TRAPPC11: variants seen among roughly 807,000 people sequenced by gnomAD.
TRAPPC11 encodes the protein foie gras homolog.
In TRAPPC11, 104 loss-of-function variants were observed where a neutral mutation model predicts 151.2. That is an observed-to-expected ratio of 0.69 (90% CI 0.59 to 0.81). The LOEUF (loss-of-function observed/expected upper bound fraction) is 0.81. Ranked by LOEUF, TRAPPC11 falls within the 30% of genes least tolerant of loss-of-function variation. TRAPPC11 has a pLI of 0.00. For missense variants in TRAPPC11, 1,230 were observed against 1,349.6 expected (o/e 0.91, Z 1.39); for synonymous variants, 456 against 472.3 (o/e 0.97, Z 0.45).
At chr4:183,697,986 T>A in intron 25 of TRAPPC11, 151 bp downstream of exon 25, 1 of 640,026 alleles carries the variant, frequency 1.6e-6, no homozygotes, top group Non-Finnish European at 2.6e-6. Flanking sequence ...CATATGGAAT[T>A]AAGGTGGAAT....
intron 29 of TRAPPC11, among the ~76,000 whole-genome samples, chr4:183,712,009 C>G (rs2111112814): frequency 6.6e-6 from 1 of 152,276 alleles, no homozygotes. Context: ...TTCTTTCAAT[C>G]AGTGATCTTA....
intron 23 of TRAPPC11, among the ~76,000 whole-genome samples, chr4:183,696,934 G>A (rs1423706131): frequency 6.6e-6 from 1 of 152,140 alleles, no homozygotes; most frequent in Non-Finnish European, 1.5e-5. Flanking sequence ...ACAAAAGGAA[G>A]ACCCTAGCTT....
chr4:183,690,175 T>C (rs1226328595), intron 18 of TRAPPC11, among the ~76,000 whole-genome samples: 1 of 151,740 alleles, frequency 6.6e-6, no homozygotes, highest in Non-Finnish European at 1.5e-5. Context: ...TAGTGGGCGA[T>C]GGAGTGAGAC....
In TRAPPC11 at chr4:183,712,976, A is replaced by G; in HGVS notation, c.*332A>G. The G allele has an allele frequency of 3.6e-6, 1 of 274,184 alleles. No individual in the cohort carries two copies. The highest frequency in any genetic ancestry group is 6.9e-6 in the Non-Finnish European group (1 of 145,490). 17.0% of individuals were successfully genotyped at this position (274,184 alleles called of 1,614,324 possible). A position where few individuals can be genotyped will look rare whatever the true frequency, so the allele number is the denominator to read the frequency against. On this transcript the variant is annotated 3_prime_UTR_variant, in exon 30 of 30. Transcript: ENST00000334690. ...AGGAAAATTAAGCATCCCAAGTGTG[A>G]CTGGACAAAGAGAGCAGATGCACCA...
Position 183,668,073 on chromosome 4 carries a change from G to A in TRAPPC11, c.516G>A (p.Leu172=). The A allele has an allele frequency of 6.2e-7, 1 of 1,613,690 alleles. No homozygotes were observed. Among genetic ancestry groups the A allele is most frequent in the Non-Finnish European group, 8.5e-7 (1 of 1,179,656 alleles). Residue 172 remains leucine (L), a synonymous_variant, in exon 5 of 30, where the codon TTG becomes TTA. Transcript: ENST00000334690. ...CNACELSGKS[L]FVLPHTDHLV... ...CATGTGAACTCTCAGGAAAGTCTTT[G>A]TTTGTACTGCCGCACACTGACCACC...
In TRAPPC11 at chr4:183,663,963, C is replaced by T. The variant is rs774010916; in HGVS notation, c.96C>T (p.Val32=). ...LTGLDVVYNA[V]HRAVWDAFCA... is the part of the protein sequence containing the mutation. ...GCCTGGATGTAGTTTATAATGCAGT[C>T]CATCGAGCTGTCTGGGACGCCTTCT... is the stretch of plus-strand genomic sequence containing the variant. The change falls in exon 2 of 30, where the codon GTC becomes GTT. Residue 32 remains valine, a synonymous_variant. Transcript: ENST00000334690. 28 of 1,614,056 alleles carry T rather than the reference C, an allele frequency of 1.7e-5. No homozygotes were observed. The South Asian group carries it at 3.0e-4, about 17-fold the overall frequency.
Position 183,694,735 on chromosome 4 carries a change from T to G in TRAPPC11, c.2628+12T>G. 1 of 1,602,182 alleles carries G rather than the reference T, an allele frequency of 6.2e-7. No individual in the cohort carries two copies. Among genetic ancestry groups the G allele is most frequent in the Non-Finnish European group, 8.5e-7 (1 of 1,177,324 alleles). ...GCAAGTGTCACAAGGTATTTTTTTATAGCTACTTTATAAAGCATCATATGT... is the reference window on the plus strand; with the variant it reads ...GCAAGTGTCACAAGGTATTTTTTTAGAGCTACTTTATAAAGCATCATATGT... On this transcript the variant is annotated intron_variant, in intron 23 of 29. Transcript: ENST00000334690.
At chr4:183,662,539 A>C (rs937801286) in intron 1 of TRAPPC11, among the ~76,000 whole-genome samples, 1 of 152,112 alleles carries the variant, frequency 6.6e-6, no homozygotes, top group Non-Finnish European at 1.5e-5. Flanking sequence ...ATCCTCCGAG[A>C]GGTTTCCATT....
At position 183,689,273 on chromosome 4, in the gene TRAPPC11, G is replaced by A. The variant is rs755264373; in HGVS notation, c.1894-2043G>A. The stretch of plus-strand genomic sequence containing the variant: ...ATCTGGATTGCCAAGTGCATATAGC[G>A]GCTGAAAAGTGGGGATAGGATGAAT... On this transcript the variant is annotated intron_variant, in intron 18 of 29. Transcript: ENST00000334690. Among the ~76,000 whole-genome samples the A allele has an allele frequency of 2.6e-5, 4 of 152,098 alleles. 1 individual carries two copies. The highest frequency in any genetic ancestry group is 4.1e-4 in the South Asian group (2 of 4,824).
chr4:183,707,630 A>G (rs1161887930), intron 28 of TRAPPC11, among the ~76,000 whole-genome samples: 1 of 152,210 alleles, frequency 6.6e-6, no homozygotes, highest in African/African-American at 2.4e-5. Flanking sequence ...TAACACCTGG[A>G]AGTGTCTATC....
chr4:183,688,150 T>G (rs1425079951), intron 18 of TRAPPC11, among the ~76,000 whole-genome samples: 1 of 152,168 alleles, frequency 6.6e-6, no homozygotes, highest in African/African-American at 2.4e-5. Flanking sequence ...TCATTAAAAT[T>G]TAGGCATTTT....
At position 183,712,633 on chromosome 4, in the gene TRAPPC11, G is replaced by T. The variant is rs987064160; in HGVS notation, c.3391G>T (p.Ala1131Ser). ...TCGACTCATGGATGATACCTCTATT[G>T]CTGCTGCATGATGTTCAAGACCGGC... ...QGRLMDDTSI[A>S]AA is the part of the protein sequence containing the mutation. Residue 1131 changes from alanine (A) to serine (S), a missense_variant, in exon 30 of 30, where the codon GCT (alanine) becomes TCT (serine). Physicochemically the swap from Ala to Ser is moderately conservative, Grantham distance 99. Transcript: ENST00000334690. The T allele has an allele frequency of 6.2e-7, 1 of 1,614,114 alleles. No individual in the cohort carries two copies. The highest frequency in any genetic ancestry group is 1.7e-5 in the Admixed American group (1 of 60,016).
chr4:183,686,021 A>G (rs1735947494), intron 17 of TRAPPC11, among the ~76,000 whole-genome samples: 1 of 152,178 alleles, frequency 6.6e-6, no homozygotes, highest in Non-Finnish European at 1.5e-5. Flanking sequence ...TATTTTTAGC[A>G]GAGATGGGGT....
At chr4:183,706,060 C>G (rs1260383367) in intron 27 of TRAPPC11, 1 of 137,082 alleles carries the variant, frequency 7.3e-6, no homozygotes, top group Non-Finnish European at 1.6e-5. Flanking sequence ...AATGGCAGAA[C>G]TGCCAGAACA....
Position 183,674,762 on chromosome 4 carries a change from A to G in TRAPPC11, c.610A>G (p.Ile204Val). 9 of 1,594,954 alleles carry G rather than the reference A, an allele frequency of 5.6e-6. No homozygotes were observed. The highest frequency in any genetic ancestry group is 1.1e-5 in the South Asian group (1 of 87,008). The change falls in exon 6 of 30, where the codon ATC becomes GTC. Residue 204 changes from isoleucine to valine, a missense_variant. Transcript: ENST00000334690. ...TGCACAGACTTATTACTACACTGAG[A>G]TCAGAAGAGTGAAATCTCATAAAGA... ...EHAQTYYYTE[I>V]RRVKSHKEFL... is the part of the protein sequence containing the mutation.
chr4:183,672,635 G>A (rs1024687776), intron 5 of TRAPPC11, among the ~76,000 whole-genome samples: 1 of 152,184 alleles, frequency 6.6e-6, no homozygotes, highest in African/African-American at 2.4e-5. Context: ...TCTGTAGCCT[G>A]TTACGGTTAA....
At chr4:183,676,889 T>C (rs925727769) in intron 7 of TRAPPC11, among the ~76,000 whole-genome samples, 1 of 152,148 alleles carries the variant, frequency 6.6e-6, no homozygotes, top group Non-Finnish European at 1.5e-5. Context: ...CTCAACTTCC[T>C]GAGTAGCTGG....
chr4:183,701,720 G>A lies in TRAPPC11; in HGVS notation c.2875G>A (p.Ala959Thr), dbSNP rs375415831. 1.1e-5 allele frequency: 17 copies of A among 1,613,628 alleles called. No homozygotes were observed. Among genetic ancestry groups the A allele is most frequent in the Non-Finnish European group, 1.3e-5 (15 of 1,179,572 alleles). Residue 959 changes from alanine to threonine, a missense_variant, in exon 26 of 30, where the codon GCT (alanine) becomes ACT (threonine). Ala to Thr is a moderately conservative substitution (Grantham distance 58). Coordinates refer to ENST00000334690, the MANE Select transcript of TRAPPC11 (RefSeq NM_021942.6). The stretch of plus-strand genomic sequence containing the variant: ...AGTTATCTTACAGACTGGAGAGAGT[G>A]CTAGTGAATGCTTTTGTCTTCAATG... The part of the protein sequence containing the change: ...DNVILQTGES[A>T]SECFCLQCPS...
chr4:183,710,191 T>G (rs2111109091), intron 29 of TRAPPC11, among the ~76,000 whole-genome samples: 1 of 152,346 alleles, frequency 6.6e-6, no homozygotes, highest in East Asian at 1.9e-4. Context: ...GACCCAAACC[T>G]AATCCCAGCT....
Sources: allele counts gnomAD v4.1 joint callset (sites outside exome capture counted in the v4.1 genomes callset), GRCh38; gene constraint gnomAD v4.1.1; transcripts MANE v1.5; gene names NCBI Gene and HGNC (gene_info 2026-07-23, HGNC 2026-07-21).